The following SEM1 variants were observed in gnomAD, a reference collection of about 807,000 sequenced individuals.
SEM1 encodes the protein 26S proteasome complex subunit SEM1.
A neutral mutation model predicts 12.7 loss-of-function variants in SEM1; 3 were observed. The ratio of observed to expected loss-of-function variants is 0.24; its 90% confidence interval spans 0.11 to 0.61. The LOEUF (loss-of-function observed/expected upper bound fraction) is 0.61, where lower values mean the gene tolerates loss of function less well. Ranked by LOEUF, SEM1 falls within the 20% of genes least tolerant of loss-of-function variation. The pLI, the probability that SEM1 is intolerant of heterozygous loss-of-function variation, is 0.88. For synonymous variants in SEM1, 30 were observed against 27.8 expected, an observed-to-expected ratio of 1.08 and a Z score of -0.25; for missense variants, 59 against 81.3, an observed-to-expected ratio of 0.73 and a Z score of 1.06.
At chr7:96,564,224 A>G (rs577785465) in intron 2 of SEM1, among the ~76,000 whole-genome samples, 137 of 152,082 alleles carry the variant, frequency 9.0e-4, no homozygotes, top group Non-Finnish European at 1.4e-3. Context: ...AATTTTTCTC[A>G]TTATTTATAA....
At chr7:96,511,212 T>C (rs184289450) in intron 2 of SEM1, among the ~76,000 whole-genome samples, 11 of 152,222 alleles carry the variant, frequency 7.2e-5, no homozygotes, top group Middle Eastern at 3.4e-3. Context: ...CAAGGAATAA[T>C]TTGGTGATGT....
chr7:96,506,417 A>T (rs1803755761), intron 3 of SEM1, among the ~76,000 whole-genome samples: 1 of 152,150 alleles, frequency 6.6e-6, no homozygotes, highest in African/African-American at 2.4e-5. Context: ...TGATGTAATT[A>T]AAATATTATG....
chr7:96,682,298 G>T (rs1215576214), intron 2 of SEM1, among the ~76,000 whole-genome samples: 1 of 151,904 alleles, frequency 6.6e-6, no homozygotes, highest in Non-Finnish European at 1.5e-5. Context: ...GAGACAATGG[G>T]GTTTTCTAAA....
intron 2 of SEM1, among the ~76,000 whole-genome samples, chr7:96,683,548 G>T (rs1444561628): frequency 6.6e-6 from 1 of 152,148 alleles, no homozygotes; most frequent in African/African-American, 2.4e-5. Flanking sequence ...ATACCCAAAG[G>T]ATTATAAATC....
intron 2 of SEM1, among the ~76,000 whole-genome samples, chr7:96,610,381 G>A (rs2116233323): frequency 6.6e-6 from 1 of 151,992 alleles, no homozygotes; most frequent in South Asian, 2.1e-4. Context: ...TTACAGGTGT[G>A]AGCCACCAAG....
chr7:96,580,132 A>G (rs1201362746), intron 2 of SEM1, among the ~76,000 whole-genome samples: 1 of 92,970 alleles, frequency 1.1e-5, no homozygotes, highest in Non-Finnish European at 2.1e-5. Flanking sequence ...CCCCCACCCC[A>G]CAACAGTCCC....
At chr7:96,663,185 A>G (rs10227638) in intron 2 of SEM1, among the ~76,000 whole-genome samples, 50,244 of 151,498 alleles carry the variant, frequency 0.33, 9,847 homozygotes, top group African/African-American at 0.56. Flanking sequence ...ACATGAGATT[A>G]GAAAACATGT....
Position 96,680,629 on chromosome 7 carries a change from G to A in SEM1, c.171-6770C>T, listed in dbSNP as rs1006763969. ...AATAGTCACCTAGTCTAAGAAAGTC[G>A]TCTTACAAGGGTAACAAAGAGGGTA... On this transcript the variant is annotated intron_variant, in intron 2 of 2. Transcript: ENST00000413065. Among the ~76,000 whole-genome samples the A allele has an allele frequency of 9.9e-5, 15 of 152,064 alleles. No homozygotes were observed. The South Asian group carries it at 1.0e-3, about 10-fold the overall frequency.
intron 3 of SEM1, among the ~76,000 whole-genome samples, chr7:96,505,379 C>T (rs1010180995): frequency 6.6e-6 from 1 of 152,122 alleles, no homozygotes; most frequent in South Asian, 2.1e-4. Flanking sequence ...TTTGGGACTA[C>T]AGGTGTGAGC....
chr7:96,697,192 C>A lies in SEM1; in HGVS notation c.77-2301G>T, dbSNP rs1790124201. ...GGTTTAAAAAAAAAAAAAAACCCTA[C>A]ATTTTAAAAAGTCAGAATTGGAAAT... On this transcript the variant is annotated intron_variant, in intron 1 of 2. Coordinates refer to ENST00000248566, the MANE Select transcript of SEM1 (RefSeq NM_006304.2). The A allele has an allele frequency of 2.7e-5, 4 of 150,852 alleles. No homozygotes were observed. In the South Asian group the frequency reaches 8.4e-4, roughly 32 times the overall value. The allele number at this position is 150,852 out of a possible 1,614,324, so 9.3% of individuals were successfully genotyped here.
intron 2 of SEM1, among the ~76,000 whole-genome samples, chr7:96,595,322 G>A (rs946510146): frequency 6.6e-6 from 1 of 152,114 alleles, no homozygotes; most frequent in Non-Finnish European, 1.5e-5. Flanking sequence ...AGACCAGTGT[G>A]GGCAACATGG....
chr7:96,646,559 T>C (rs925372043), intron 2 of SEM1, among the ~76,000 whole-genome samples: 7 of 152,202 alleles, frequency 4.6e-5, no homozygotes, highest in African/African-American at 1.7e-4. Context: ...CATGTAAGAT[T>C]TTTTGGAAAC....
intron 2 of SEM1, among the ~76,000 whole-genome samples, chr7:96,631,232 C>T (rs933800918): frequency 2.2e-4 from 33 of 152,244 alleles, no homozygotes; most frequent in African/African-American, 7.5e-4. Flanking sequence ...AGTTGTAGTC[C>T]CAGTGGCCTA....
exon 3 of SEM1, chr7:96,673,841 C>A (rs543465507): frequency 1.3e-6 from 1 of 765,162 alleles, no homozygotes; most frequent in East Asian, 2.4e-5. Context: ...AGACCAATAT[C>A]ATCAGGAGTA....
At chr7:96,529,356 C>G (rs1006707852) in intron 2 of SEM1, among the ~76,000 whole-genome samples, 23 of 151,974 alleles carry the variant, frequency 1.5e-4, no homozygotes, top group African/African-American at 5.3e-4. Flanking sequence ...AATTTCATAC[C>G]ATATCAAAAG....
intron 2 of SEM1, among the ~76,000 whole-genome samples, chr7:96,518,868 A>G (rs1804180819): frequency 1.3e-5 from 2 of 152,208 alleles, no homozygotes; most frequent in Non-Finnish European, 2.9e-5. Flanking sequence ...TGCATGGCCT[A>G]GTATGTGCTG....
downstream of SEM1, among the ~76,000 whole-genome samples, chr7:96,621,490 G>A (rs1401047187): frequency 6.6e-6 from 1 of 152,180 alleles, no homozygotes; most frequent in Non-Finnish European, 1.5e-5. Flanking sequence ...TGAAAGAGCA[G>A]CTGAGCTTTT....
chr7:96,526,519 G>A (rs779893545), intron 2 of SEM1, among the ~76,000 whole-genome samples: 1 of 152,150 alleles, frequency 6.6e-6, no homozygotes, highest in Middle Eastern at 3.4e-3. Context: ...GAAAAAGAAG[G>A]GTCCTGGCAG....
chr7:96,484,137 GTAAGTT>G, intron 3 of SEM1: 1 of 776,754 alleles, frequency 1.3e-6, no homozygotes, highest in Non-Finnish European at 2.0e-6. Context: ...TAACTGTTAA[GTAAGTT>G]CCCCAAAAAA....
Sources: gnomAD v4.1 joint callset for allele counts (sites outside exome capture counted in the v4.1 genomes callset) on GRCh38, gnomAD v4.1.1 for gene constraint, MANE v1.5 for transcripts, NCBI Gene and HGNC (gene_info 2026-07-23, HGNC 2026-07-21) for gene names.